PAK3: variants seen among roughly 807,000 people sequenced by gnomAD.
PAK3 encodes p21 (RAC1) activated kinase 3, also known as serine/threonine-protein kinase PAK 3.
Under a neutral mutation model 41.0 loss-of-function variants are expected in PAK3, and 4 were observed. That is an observed-to-expected ratio of 0.10 (90% confidence interval 0.05 to 0.22). The LOEUF is 0.22. Among genes scored for constraint, PAK3 ranks in the 10% least tolerant of loss-of-function variants. The probability of loss-of-function intolerance (pLI) is 1.00; values close to 1 mark genes in which losing one functional copy is unlikely to be tolerated. For synonymous variants in PAK3, 146 were observed against 139.6 expected (o/e 1.05, Z -0.32); for missense variants, 205 against 409.9 (o/e 0.50, Z 4.32).
At chrX:111,156,352 A>G (rs2094106703) in intron 8 of PAK3, among the ~76,000 whole-genome samples, 1 of 111,572 alleles carries the variant, frequency 9.0e-6, no homozygotes, top group Non-Finnish European at 1.9e-5. Context: ...TTTGAGTTTG[A>G]AGGGCTGGCA....
chrX:110,989,876 A>G (rs925061906), intron 1 of PAK3, among the ~76,000 whole-genome samples: 16 of 111,485 alleles, frequency 1.4e-4, no homozygotes, highest in African/African-American at 5.2e-4. Context: ...CCTAAAGAAT[A>G]TAACAGACGC....
At chrX:111,164,416 C>T (rs1044298758) in intron 10 of PAK3, among the ~76,000 whole-genome samples, 1 of 111,193 alleles carries the variant, frequency 9.0e-6, no homozygotes, top group Non-Finnish European at 1.9e-5. Flanking sequence ...AGTGCCCCCC[C>T]CAACCCCAGT....
Position 111,174,525 on chromosome X carries a change from C to T in PAK3, c.830+1444C>T, listed in dbSNP as rs148484255. Among the ~76,000 whole-genome samples, 28 of 111,531 alleles carry T rather than the reference C, an allele frequency of 2.5e-4. No individual in the cohort carries two copies. In the East Asian group the frequency reaches 6.2e-3, roughly 25 times the overall value. ...ATGGTCTCTAGAAGCTTCCTGTCAC[C>T]GAATGGGTCAAATTAATATTTCTAC... On this transcript the variant is annotated intron_variant, in intron 11 of 17. Coordinates refer to ENST00000372007, the MANE Select transcript of PAK3 (RefSeq NM_002578.5).
At chrX:110,964,595 G>A (rs1051659918) in intron 1 of PAK3, among the ~76,000 whole-genome samples, 1 of 112,346 alleles carries the variant, frequency 8.9e-6, no homozygotes, top group Non-Finnish European at 1.9e-5. Flanking sequence ...TGTGCAGTGT[G>A]CCTCTTGAGT....
At chrX:111,089,241 C>G (rs187816696) in intron 1 of PAK3, among the ~76,000 whole-genome samples, 225 of 111,918 alleles carry the variant, frequency 2.0e-3, no homozygotes, top group Non-Finnish European at 1.3e-3. Flanking sequence ...ATAATGGGAA[C>G]TCTCTGTACT....
Position 111,173,061 on chromosome X carries a change from A to G in PAK3, c.810A>G (p.Arg270=). The G allele has an allele frequency of 9.2e-7, 1 of 1,087,661 alleles. No individual in the cohort carries two copies. Among genetic ancestry groups the G allele is most frequent in the East Asian group, 3.0e-5 (1 of 33,114 alleles). 89.6% of individuals were successfully genotyped at this position (1,087,661 alleles called of 1,213,427 possible). A position where few individuals can be genotyped will look rare whatever the true frequency, so the allele number is the denominator to read the frequency against. ...SVGDPKKKYT[R]FEKIGQGASG... The stretch of plus-strand genomic sequence containing the variant: ...GGGACCCAAAGAAAAAATACACAAG[A>G]TTTGAAAAAATTGGTCAAGGGTAAG... The change falls in exon 11 of 18, where the codon AGA becomes AGG. Residue 270 remains arginine, a synonymous_variant. Coordinates refer to ENST00000372007, the MANE Select transcript of PAK3 (RefSeq NM_002578.5).
rs1297692122 is a variant in PAK3 at position 111,226,414 on chromosome X, A to G, written c.*5967A>G. On this transcript the variant is annotated 3_prime_UTR_variant, in exon 18 of 18. Transcript: ENST00000372007. Reference sequence around the variant, plus strand: ...AACACACTGTCACACTTGCTAGAATATAACTGTACTTGAGCTTCTCCTTTC... The same window carrying G: ...AACACACTGTCACACTTGCTAGAATGTAACTGTACTTGAGCTTCTCCTTTC... The G allele has an allele frequency of 1.8e-5, 2 of 111,571 alleles. No homozygotes were observed. Among genetic ancestry groups the G allele is most frequent in the Non-Finnish European group, 3.8e-5 (2 of 53,212 alleles). 9.2% of individuals were successfully genotyped at this position (111,571 alleles called of 1,213,427 possible).
At chrX:111,108,482 G>A (rs1165930562) in intron 4 of PAK3, among the ~76,000 whole-genome samples, 1 of 112,353 alleles carries the variant, frequency 8.9e-6, no homozygotes, top group Non-Finnish European at 1.9e-5. Flanking sequence ...TGGATGACAA[G>A]CATTACTTCC....
chrX:111,083,979 T>A (rs192048862), intron 1 of PAK3, among the ~76,000 whole-genome samples: 2 of 112,958 alleles, frequency 1.8e-5, no homozygotes, highest in East Asian at 5.5e-4. Context: ...TTATTTAGTT[T>A]ATGGACAGTC....
At chrX:111,216,922 G>A in intron 17 of PAK3, 1 of 751,563 alleles carries the variant, frequency 1.3e-6, no homozygotes, top group Non-Finnish European at 1.6e-6. Context: ...ACATAACTAT[G>A]CAATTATTTC....
chrX:111,052,565 C>T (rs767126830), intron 1 of PAK3, among the ~76,000 whole-genome samples: 1 of 112,160 alleles, frequency 8.9e-6, no homozygotes, highest in Admixed American at 9.4e-5. Flanking sequence ...GGGGTGGGTA[C>T]AATTACTGTT....
intron 1 of PAK3, among the ~76,000 whole-genome samples, chrX:110,958,701 G>A (rs1302612502): frequency 8.9e-6 from 1 of 111,790 alleles, no homozygotes; most frequent in African/African-American, 3.3e-5. Flanking sequence ...TGCTCATTTA[G>A]CATATAAGCT....
chrX:110,969,735 C>T (rs1372733318), intron 1 of PAK3, among the ~76,000 whole-genome samples: 1 of 111,865 alleles, frequency 8.9e-6, no homozygotes, highest in Non-Finnish European at 1.9e-5. Context: ...CTCTTGATTA[C>T]TGTAGTTTTG....
At chrX:111,159,359 G>A (rs1385695218) in intron 8 of PAK3, among the ~76,000 whole-genome samples, 1 of 111,116 alleles carries the variant, frequency 9.0e-6, no homozygotes, top group Non-Finnish European at 1.9e-5. Context: ...TTTTCTTGTG[G>A]CTTTTTGGAG....
At chrX:111,216,714 C>T (rs1434999484) in intron 17 of PAK3, among the ~76,000 whole-genome samples, 156 bp downstream of exon 17, 2 of 111,386 alleles carry the variant, frequency 1.8e-5, no homozygotes, top group East Asian at 2.8e-4. Context: ...GCATCTAATA[C>T]ATGATTGATT....
At position 111,023,207 on chromosome X, in the gene PAK3, C is replaced by T. The variant is rs10126320; in HGVS notation, c.-28+78579C>T. Reference sequence around the variant, plus strand: ...GTTTCCAGTTTCATCCATGTCCCTGCAAAGGACATGAACTCATCCTTTTTT... The same window carrying T: ...GTTTCCAGTTTCATCCATGTCCCTGTAAAGGACATGAACTCATCCTTTTTT... On this transcript the variant is annotated intron_variant, in intron 1 of 14. Transcript: ENST00000425146. Among the ~76,000 whole-genome samples the T allele has an allele frequency of 9.8e-3, 1,093 of 111,539 alleles. 16 individuals carry two copies. Among genetic ancestry groups the T allele is most frequent in the African/African-American group, 0.034 (1,051 of 30,677 alleles).
At chrX:111,169,618 A>G (rs900169294) in intron 10 of PAK3, among the ~76,000 whole-genome samples, 3 of 111,570 alleles carry the variant, frequency 2.7e-5, no homozygotes, top group African/African-American at 6.5e-5. Context: ...GGAAGCATGA[A>G]TAGGAACTTG....
chrX:111,062,271 A>T (rs984479999), intron 1 of PAK3, among the ~76,000 whole-genome samples: 2 of 112,069 alleles, frequency 1.8e-5, no homozygotes, highest in Non-Finnish European at 3.8e-5. Flanking sequence ...TTTCATTTTA[A>T]TGAGAATGTT....
In PAK3 at chrX:111,179,066, A is replaced by C. The variant is rs2094439282; in HGVS notation, c.830+5985A>C. On this transcript the variant is annotated intron_variant, in intron 11 of 17. Transcript: ENST00000372007. ...GTCTACTTATGATGTTTGTTAATTT[A>C]CTTTCATTTTCATATTTAAAACCAC... 4.7e-5 allele frequency among the ~76,000 whole-genome samples: 5 copies of C among 105,682 alleles called. No individual in the cohort carries two copies. In the Admixed American group the frequency reaches 5.2e-4, roughly 11 times the overall value. The allele number at this position is 105,682 out of a possible 115,157, so 91.8% of individuals were successfully genotyped here. A position where few individuals can be genotyped will look rare whatever the true frequency, so the allele number is the denominator to read the frequency against.
Sources: allele counts gnomAD v4.1 joint callset (sites outside exome capture counted in the v4.1 genomes callset), GRCh38; gene constraint gnomAD v4.1.1; transcripts MANE v1.5; gene names NCBI Gene and HGNC (gene_info 2026-07-23, HGNC 2026-07-21).